Variants in DDX51 observed in about 807,000 individuals in gnomAD.
DDX51 encodes ATP-dependent RNA helicase DDX51.
A neutral mutation model predicts 74.6 loss-of-function variants in DDX51; 67 were observed. The observed-to-expected ratio is 0.90, with a 90% CI of 0.74 to 1.10. DDX51 has a LOEUF of 1.10. DDX51 is among the 50% of genes least tolerant of loss of function. The pLI, the probability that DDX51 is intolerant of heterozygous loss-of-function variation, is 0.00. For synonymous variants in DDX51, 545 were observed against 402.9 expected, an observed-to-expected ratio of 1.35 and a Z score of -4.22; for missense variants, 1,056 against 905.2, an observed-to-expected ratio of 1.17 and a Z score of -2.14.
At position 132,137,602 on chromosome 12, in the gene DDX51, G is replaced by A. The variant is rs1014221548; in HGVS notation, c.*1670C>T. On this transcript the variant is annotated 3_prime_UTR_variant, in exon 15 of 15. Coordinates refer to ENST00000397333, the MANE Select transcript of DDX51 (RefSeq NM_175066.4). ...CAGACATTCTTTGCATCTAAGCTGA[G>A]GTCTGAACTGAGTGGGGTGGGCTGG... 1.3e-5 allele frequency: 2 copies of A among 152,178 alleles called. No individual in the cohort carries two copies. Among genetic ancestry groups the A allele is most frequent in the Non-Finnish European group, 2.9e-5 (2 of 68,046 alleles). 9.4% of individuals were successfully genotyped at this position (152,178 alleles called of 1,614,324 possible). A position where few individuals can be genotyped will look rare whatever the true frequency, so the allele number is the denominator to read the frequency against.
chr12:132,137,885 CCCCACCAACT>C lies in DDX51; in HGVS notation c.*1377_*1386del, dbSNP rs1897310750. On this transcript the variant is annotated 3_prime_UTR_variant, in exon 15 of 15. Coordinates refer to ENST00000397333, the MANE Select transcript of DDX51 (RefSeq NM_175066.4). ...TGGCCACTGTGTCCCCAGCCCCAACCCCCACCAACTCCCGGCCCCGGCACCCTTCAATCTC... is the reference window on the plus strand; with the variant it reads ...TGGCCACTGTGTCCCCAGCCCCAACCCCCGGCCCCGGCACCCTTCAATCTC... 1 of 145,030 alleles carries C rather than the reference CCCCACCAACT, an allele frequency of 6.9e-6. No homozygotes were observed. The highest frequency in any genetic ancestry group is 2.1e-4 in the South Asian group (1 of 4,722). The allele number at this position is 145,030 out of a possible 1,614,324, so 9.0% of individuals were successfully genotyped here. A position where few individuals can be genotyped will look rare whatever the true frequency, so the allele number is the denominator to read the frequency against.
chr12:132,141,593 G>C lies in DDX51; in HGVS notation c.1009C>G (p.Arg337Gly), dbSNP rs200735214. The C allele has an allele frequency of 1.1e-3, 1,717 of 1,596,874 alleles. 2 individuals carry two copies. The highest frequency in any genetic ancestry group is 1.3e-3 in the Non-Finnish European group (1,558 of 1,173,120). Residue 337 changes from arginine to glycine, a missense_variant, in exon 7 of 15, where the codon CGC (arginine) becomes GGC (glycine). Physicochemically the swap from Arg to Gly is moderately radical, Grantham distance 125. Transcript: ENST00000397333. ...GCTACCACGATGTCAGCCAAGCAGC[G>C]GTACCCATCAGCTCTACAGACCAGA... ...SLVQKTADGY[R>G]CLADIVVATP...
At chr12:132,142,505 G>C in intron 3 of DDX51, 83 bp from the exon 4 acceptor site, 1 of 1,546,688 alleles carries the variant, frequency 6.5e-7, no homozygotes, top group Non-Finnish European at 8.7e-7. Context: ...CTCTGGGCTG[G>C]GCTGCTCTGC....
At position 132,137,870 on chromosome 12, in the gene DDX51, G is replaced by A. The variant is rs754603986; in HGVS notation, c.*1402C>T. The A allele has an allele frequency of 6.7e-6, 1 of 150,108 alleles. No homozygotes were observed. The highest frequency in any genetic ancestry group is 1.5e-5 in the Non-Finnish European group (1 of 67,916). 9.3% of individuals were successfully genotyped at this position (150,108 alleles called of 1,614,324 possible). Reference sequence around the variant, plus strand: ...AACAAACCCACACACTGGCCACTGTGTCCCCAGCCCCAACCCCCACCAACT... The same window carrying A: ...AACAAACCCACACACTGGCCACTGTATCCCCAGCCCCAACCCCCACCAACT... On this transcript the variant is annotated 3_prime_UTR_variant, in exon 15 of 15. Coordinates refer to ENST00000397333, the MANE Select transcript of DDX51 (RefSeq NM_175066.4).
At chr12:132,142,608 A>T (rs1172898114) in intron 3 of DDX51, 120 bp downstream of exon 3, 2 of 1,495,226 alleles carry the variant, frequency 1.3e-6, no homozygotes, top group African/African-American at 2.8e-5. Context: ...TGAGCTTGAG[A>T]GTGCTGAGAC....
rs779368577 is a variant in DDX51, at chr12:132,142,203, G to A, written c.817-13C>T. ...TCGAAAGCAGGGCCTGAGGGGGAAG[G>A]AGCGCCTGCGTCAGCAAGGCTGTTA... is the stretch of plus-strand genomic sequence containing the variant. On this transcript the variant is annotated splice_polypyrimidine_tract_variant and intron_variant, in intron 4 of 14. Transcript: ENST00000397333. The A allele has an allele frequency of 1.7e-5, 26 of 1,575,706 alleles. No homozygotes were observed. The highest frequency in any genetic ancestry group is 1.2e-4 in the South Asian group (10 of 85,446).
Position 132,140,934 on chromosome 12 carries a change from A to AG in DDX51, c.1336dup (p.Leu446ProfsTer46). On this transcript the variant is annotated frameshift_variant, in exon 9 of 15. Transcript: ENST00000397333. LOFTEE classifies it high-confidence loss of function. ...TGTGGAGAAAAGCCGGGGCTGGTGG[A>AG]GGCCCAGCTGCTGCAGCTTTTCAGG... is the stretch of plus-strand genomic sequence containing the variant. The AG allele has an allele frequency of 6.2e-7, 1 of 1,613,218 alleles. No homozygotes were observed.
At chr12:132,143,249 G>A (rs960625642) in intron 2 of DDX51, 7 of 401,510 alleles carry the variant, frequency 1.7e-5, no homozygotes, top group Admixed American at 1.3e-4. Flanking sequence ...CCAACTCAAA[G>A]AGAACCTCCT....
At position 132,142,782 on chromosome 12, in the gene DDX51, G is replaced by A. The variant is rs756706614; in HGVS notation, c.616C>T (p.His206Tyr). The A allele has an allele frequency of 1.1e-5, 18 of 1,612,980 alleles. No homozygotes were observed. In the East Asian group the frequency reaches 4.0e-4, roughly 36 times the overall value. The change falls in exon 3 of 15, where the codon CAT becomes TAT. Residue 206 changes from histidine (H) to tyrosine (Y), a missense_variant. His to Tyr is a moderately conservative substitution (Grantham distance 83, BLOSUM62 2). Coordinates refer to ENST00000397333, the MANE Select transcript of DDX51 (RefSeq NM_175066.4). ...LVPIEDIPDV[H>Y]PDLQKQLRAH... ...CGCAGCTGCTTCTGCAGGTCAGGAT[G>A]GACGTCAGGGATGTCCTCGATAGGA...
chr12:132,142,339 G>C lies in DDX51; in HGVS notation c.754C>G (p.Leu252Val). Residue 252 changes from leucine to valine, a missense_variant, in exon 4 of 15, where the codon CTC becomes GTC. Transcript: ENST00000397333. ...CTGCCTGTTGGGGCAGAAACACAGA[G>C]GTCGCTAGGCCGGTAGCCACCTCTG... Reference protein sequence around the residue: ...VGRGGYRPSDLCVSAPTGSGK... With the variant: ...VGRGGYRPSDVCVSAPTGSGK... 1 of 1,613,068 alleles carries C rather than the reference G, an allele frequency of 6.2e-7. No homozygotes were observed. The highest frequency in any genetic ancestry group is 8.5e-7 in the Non-Finnish European group (1 of 1,180,008).
chr12:132,139,254 G>A lies in DDX51; in HGVS notation c.*18C>T, dbSNP rs1357578892. On this transcript the variant is annotated 3_prime_UTR_variant, in exon 15 of 15. Coordinates refer to ENST00000397333, the MANE Select transcript of DDX51 (RefSeq NM_175066.4). ...AGGGTGGTGAGCGTTCAGTCCCTCC[G>A]GCCCTCTGAGCCCCAGCCTAGGCCG... The A allele has an allele frequency of 4.4e-6, 7 of 1,606,942 alleles. No homozygotes were observed. Among genetic ancestry groups the A allele is most frequent in the African/African-American group, 2.7e-5 (2 of 74,952 alleles).
rs1897278673 is a variant in DDX51, at chr12:132,137,103, G to A, written c.*2169C>T. ...TGTCAGACTCAGTCTGTGCTGCTCT[G>A]TGACACTTTTCTGCGAGGGTCTCTG... On this transcript the variant is annotated 3_prime_UTR_variant, in exon 15 of 15. Transcript: ENST00000397333. 6.6e-6 allele frequency: 1 copy of A among 152,228 alleles called. No homozygotes were observed. Among genetic ancestry groups the A allele is most frequent in the South Asian group, 2.1e-4 (1 of 4,836 alleles). 9.4% of individuals were successfully genotyped at this position (152,228 alleles called of 1,614,324 possible). A position where few individuals can be genotyped will look rare whatever the true frequency, so the allele number is the denominator to read the frequency against.
In DDX51 at chr12:132,142,082, C is replaced by T. The variant is rs114915755; in HGVS notation, c.888+37G>A. The T allele has an allele frequency of 3.1e-3, 4,773 of 1,561,798 alleles. 110 individuals carry two copies. In the African/African-American group the frequency reaches 0.056, roughly 18 times the overall value. On this transcript the variant is annotated intron_variant, in intron 5 of 14. Coordinates refer to ENST00000397333, the MANE Select transcript of DDX51 (RefSeq NM_175066.4). The stretch of plus-strand genomic sequence containing the variant: ...TGTGCACTCAGCAGGGAAGCTGAGG[C>T]GGGCGGTGCCACGCTCCAGGTCTAG...
chr12:132,142,287 G>T lies in DDX51; in HGVS notation c.806C>A (p.Pro269His). ...GACCCTCACACAGACCTGCACCACA[G>T]GGATGACGAAGGCCAGTGTCTTCCC... ...GSGKTLAFVI[P>H]VVQALLSRVV... Residue 269 changes from proline to histidine, a missense_variant, in exon 4 of 15, where the codon CCT becomes CAT. Pro to His is a moderately conservative substitution (Grantham distance 77). Coordinates refer to ENST00000397333, the MANE Select transcript of DDX51 (RefSeq NM_175066.4). 6.2e-7 allele frequency: 1 copy of T among 1,613,106 alleles called. No homozygotes were observed. Among genetic ancestry groups the T allele is most frequent in the Non-Finnish European group, 8.5e-7 (1 of 1,179,968 alleles).
At position 132,139,731 on chromosome 12, in the gene DDX51, T is replaced by G; in HGVS notation, c.1878A>C (p.Ala626=). 2 of 1,613,026 alleles carry G rather than the reference T, an allele frequency of 1.2e-6. No individual in the cohort carries two copies. Among genetic ancestry groups the G allele is most frequent in the Non-Finnish European group, 1.7e-6 (2 of 1,179,992 alleles). ...AGAGCTCGTGCCGCTGCAACTCAGG[T>G]GCCCCAGCTTCAGTTAGCATTCGGA... The part of the protein sequence containing the change: ...RFLRMLTEAG[A]PELQRHELSS... Residue 626 remains alanine (A), a synonymous_variant, in exon 14 of 15, where the codon GCA becomes GCC. Coordinates refer to ENST00000397333, the MANE Select transcript of DDX51 (RefSeq NM_175066.4).
Position 132,141,876 on chromosome 12 carries a change from C to T in DDX51, c.969G>A (p.Lys323=), listed in dbSNP as rs1409733933. Residue 323 remains lysine (K), a synonymous_variant, in exon 6 of 15, where the codon AAG becomes AAA. Coordinates refer to ENST00000397333, the MANE Select transcript of DDX51 (RefSeq NM_175066.4). ...SLVTGQKSLA[K]EQESLVQKTA... ...TTTTCTGGACGAGGCTCTCCTGCTCCTTGGCCAGAGACTTCTGTCCCGTAA... is the reference window on the plus strand; with the variant it reads ...TTTTCTGGACGAGGCTCTCCTGCTCTTTGGCCAGAGACTTCTGTCCCGTAA... The T allele has an allele frequency of 1.2e-6, 2 of 1,613,202 alleles. No homozygotes were observed. Among genetic ancestry groups the T allele is most frequent in the Non-Finnish European group, 1.7e-6 (2 of 1,180,002 alleles).
At position 132,141,330 on chromosome 12, in the gene DDX51, C is replaced by G. The variant is rs753396232; in HGVS notation, c.1195G>C (p.Ala399Pro). 1.3e-6 allele frequency: 2 copies of G among 1,598,736 alleles called. No individual in the cohort carries two copies. Among genetic ancestry groups the G allele is most frequent in the South Asian group, 2.2e-5 (2 of 91,006 alleles). Residue 399 changes from alanine to proline, a missense_variant, in exon 8 of 15, where the codon GCG (alanine) becomes CCG (proline). Ala to Pro is a conservative substitution (Grantham distance 27). Transcript: ENST00000397333. ...CGCTGGAGCAGGGCACAGGGGTCCG[C>G]GGGGTCCTCGCTCTGGAAGGCGGCC... ...VAAAFQSEDP[A>P]DPCALLQRRQ...
Position 132,139,259 on chromosome 12 carries a change from T to C in DDX51, c.*13A>G. 6.2e-7 allele frequency: 1 copy of C among 1,607,652 alleles called. No individual in the cohort carries two copies. Among genetic ancestry groups the C allele is most frequent in the Non-Finnish European group, 8.5e-7 (1 of 1,178,582 alleles). On this transcript the variant is annotated 3_prime_UTR_variant, in exon 15 of 15. Coordinates refer to ENST00000397333, the MANE Select transcript of DDX51 (RefSeq NM_175066.4). Reference sequence around the variant, plus strand: ...GGTGAGCGTTCAGTCCCTCCGGCCCTCTGAGCCCCAGCCTAGGCCGCCCTC... The same window carrying C: ...GGTGAGCGTTCAGTCCCTCCGGCCCCCTGAGCCCCAGCCTAGGCCGCCCTC...
intron 11 of DDX51, 33 bp from the exon 12 acceptor site, chr12:132,140,232 T>C: frequency 1.2e-6 from 2 of 1,601,488 alleles, no homozygotes; most frequent in Non-Finnish European, 1.7e-6. Flanking sequence ...GGGCCCGACG[T>C]GCCAGGAGCA....
Sources: allele counts gnomAD v4.1 joint callset, GRCh38; gene constraint gnomAD v4.1.1; transcripts MANE v1.5; gene names NCBI Gene and HGNC (gene_info 2026-07-23, HGNC 2026-07-21).